The following GAPVD1 variants were observed in gnomAD, a reference collection of about 807,000 sequenced individuals.
The protein encoded by GAPVD1 is GTPase-activating protein and VPS9 domain-containing protein 1.
A neutral mutation model predicts 155.5 loss-of-function variants in GAPVD1; 35 were observed. The observed-to-expected ratio is 0.23, with a 90% CI of 0.17 to 0.30. The LOEUF is 0.30. GAPVD1 is among the 10% of genes least tolerant of loss of function. The probability of loss-of-function intolerance (pLI) is 1.00; values close to 1 mark genes in which losing one functional copy is unlikely to be tolerated. For missense variants in GAPVD1, 1,429 were observed against 1,775.7 expected (o/e 0.80, Z 3.51); for synonymous variants, 636 against 619.7 (o/e 1.03, Z -0.39).
intron 4 of GAPVD1, among the ~76,000 whole-genome samples, chr9:125,301,057 C>G (rs1305600002): frequency 1.3e-5 from 2 of 151,712 alleles, no homozygotes; most frequent in Non-Finnish European, 2.9e-5. Flanking sequence ...TAAGCATAAG[C>G]AGTTTAACTG....
At chr9:125,270,767 A>C (rs896312376) in intron 2 of GAPVD1, among the ~76,000 whole-genome samples, 4 of 152,190 alleles carry the variant, frequency 2.6e-5, no homozygotes, top group Admixed American at 2.6e-4. Context: ...AACATGGAGA[A>C]ACCCCGTTTC....
At chr9:125,362,305 A>G (rs867966130) in intron 27 of GAPVD1, among the ~76,000 whole-genome samples, 1 of 152,166 alleles carries the variant, frequency 6.6e-6, no homozygotes, top group Non-Finnish European at 1.5e-5. Context: ...AAATCCGGGG[A>G]TGTTGAGTAA....
At position 125,337,473 on chromosome 9, in the gene GAPVD1, G is replaced by A. The variant is rs1184502600; in HGVS notation, c.2759G>A (p.Arg920Gln). The A allele has an allele frequency of 4.3e-6, 7 of 1,614,026 alleles. 1 individual carries two copies. Among genetic ancestry groups the A allele is most frequent in the Middle Eastern group, 3.3e-4 (2 of 6,084 alleles). ...RRPMSDPSWN[R>Q]RPGNEERELP... is the part of the protein sequence containing the mutation. ...CCCATGAGTGACCCCAGCTGGAACCGGCGTCCAGGAAATGAAGAGCGAGAA... is the reference window on the plus strand; with the variant it reads ...CCCATGAGTGACCCCAGCTGGAACCAGCGTCCAGGAAATGAAGAGCGAGAA... Residue 920 changes from arginine to glutamine, a missense_variant, in exon 17 of 28, where the codon CGG (arginine) becomes CAG (glutamine). Around this residue, in one of 4 missense-constraint regions of GAPVD1, gnomAD observed 699 missense variants for 826.0 expected, o/e 0.85. Transcript: ENST00000297933.
At chr9:125,339,730 TC>T (rs1847562398) in intron 17 of GAPVD1, among the ~76,000 whole-genome samples, 1 of 152,220 alleles carries the variant, frequency 6.6e-6, no homozygotes, top group Non-Finnish European at 1.5e-5. Context: ...AGAGTTTGTT[TC>T]GTCTTTCTTC....
At chr9:125,312,828 A>AT (rs376353963) in intron 9 of GAPVD1, among the ~76,000 whole-genome samples, 10 of 150,700 alleles carry the variant, frequency 6.6e-5, no homozygotes, top group African/African-American at 9.8e-5. Context: ...CTTTGGGCTT[A>AT]TTTTTTTTTG....
At chr9:125,298,362 T>C (rs1192091499) in intron 3 of GAPVD1, among the ~76,000 whole-genome samples, 2 of 152,180 alleles carry the variant, frequency 1.3e-5, no homozygotes, top group Admixed American at 1.3e-4. Flanking sequence ...GTGAGCTTTT[T>C]TTTCTTTTTG....
chr9:125,343,181 T>TTA (rs1848059099), intron 19 of GAPVD1, among the ~76,000 whole-genome samples: 1 of 152,062 alleles, frequency 6.6e-6, no homozygotes, highest in Non-Finnish European at 1.5e-5. Context: ...AGTATGAGAT[T>TTA]TATGCAGGAA....
chr9:125,358,644 C>T (rs566275588), intron 25 of GAPVD1, among the ~76,000 whole-genome samples: 7 of 152,298 alleles, frequency 4.6e-5, no homozygotes, highest in African/African-American at 1.2e-4. Context: ...AGGATCCTTC[C>T]AATCTGCCTT....
chr9:125,280,026 G>A (rs932084185), intron 2 of GAPVD1, among the ~76,000 whole-genome samples: 2 of 150,972 alleles, frequency 1.3e-5, no homozygotes, highest in Non-Finnish European at 3.0e-5. Flanking sequence ...GCCTCCCAAA[G>A]TGCTGGGATT....
chr9:125,323,094 A>G (rs1844611524), intron 10 of GAPVD1, among the ~76,000 whole-genome samples: 1 of 151,282 alleles, frequency 6.6e-6, no homozygotes, highest in Non-Finnish European at 1.5e-5. Flanking sequence ...ATAACAAGCA[A>G]CTTTAGATTA....
intron 9 of GAPVD1, among the ~76,000 whole-genome samples, chr9:125,316,429 G>A (rs1309104150): frequency 6.6e-6 from 1 of 152,086 alleles, no homozygotes; most frequent in Non-Finnish European, 1.5e-5. Flanking sequence ...AACATGCGGT[G>A]TTTGGTTTTC....
chr9:125,359,350 CAAT>C (rs1188778925), intron 25 of GAPVD1, 67 bp from the exon 26 acceptor site: 2 of 868,698 alleles, frequency 2.3e-6, no homozygotes, highest in Non-Finnish European at 3.9e-6. Flanking sequence ...TTGTAAAAAT[CAAT>C]GATGACTGTT....
At chr9:125,307,315 A>T in intron 6 of GAPVD1, 98 bp from the exon 7 acceptor site, 2 of 777,950 alleles carry the variant, frequency 2.6e-6, no homozygotes, top group Non-Finnish European at 4.0e-6. Flanking sequence ...ATGATTTTTA[A>T]GATGTTTAAA....
chr9:125,305,725 G>C (rs1841680699), intron 6 of GAPVD1, among the ~76,000 whole-genome samples: 1 of 152,112 alleles, frequency 6.6e-6, no homozygotes, highest in African/African-American at 2.4e-5. Flanking sequence ...GAGTGCAGTG[G>C]TGTGATCATG....
At position 125,310,176 on chromosome 9, in the gene GAPVD1, G is replaced by A. The variant is rs550214278; in HGVS notation, c.1442-2276G>A. On this transcript the variant is annotated intron_variant, in intron 8 of 27. Transcript: ENST00000297933. ...GTTACAGAGTTTGTTATGATTCATA[G>A]ATCTGTTTATGAACTTGAATTTAAA... Among the ~76,000 whole-genome samples, 3 of 152,230 alleles carry A rather than the reference G, an allele frequency of 2.0e-5. No homozygotes were observed. The East Asian group carries it at 5.8e-4, about 29-fold the overall frequency.
intron 2 of GAPVD1, among the ~76,000 whole-genome samples, chr9:125,285,045 T>C (rs1296971781): frequency 2.0e-5 from 3 of 152,224 alleles, no homozygotes; most frequent in Non-Finnish European, 4.4e-5. Flanking sequence ...AGAGTAGATA[T>C]GCTTGCTTAT....
intron 2 of GAPVD1, among the ~76,000 whole-genome samples, chr9:125,271,096 A>G (rs1834834409): frequency 6.6e-6 from 1 of 152,158 alleles, no homozygotes; most frequent in African/African-American, 2.4e-5. Context: ...ATTTAATTCT[A>G]ATACTCTTTG....
At chr9:125,331,715 C>T (rs1846106955) in intron 13 of GAPVD1, among the ~76,000 whole-genome samples, 1 of 152,222 alleles carries the variant, frequency 6.6e-6, no homozygotes, top group African/African-American at 2.4e-5. Flanking sequence ...ACGTTTTCAT[C>T]TGTGCACAGT....
intron 6 of GAPVD1, among the ~76,000 whole-genome samples, chr9:125,305,661 G>T (rs766344991): frequency 6.6e-6 from 1 of 151,926 alleles, no homozygotes; most frequent in Non-Finnish European, 1.5e-5. Context: ...GAGCCACCGC[G>T]CCTGGCCAAC....
Sources: allele counts gnomAD v4.1 joint callset (sites outside exome capture counted in the v4.1 genomes callset), GRCh38; gene constraint gnomAD v4.1.1; regional missense constraint gnomAD v4.1.1; transcripts MANE v1.5; gene names NCBI Gene and HGNC (gene_info 2026-07-23, HGNC 2026-07-21).